Variants in NRG3 observed in about 807,000 individuals in gnomAD.
NRG3 encodes the protein neuregulin 3.
A neutral mutation model predicts 66.9 loss-of-function variants in NRG3; 31 were observed. That is an observed-to-expected ratio of 0.46 (90% confidence interval 0.35 to 0.63). The LOEUF is 0.63. Among genes scored for constraint, NRG3 ranks in the 20% least tolerant of loss-of-function variants. The pLI, the probability that NRG3 is intolerant of heterozygous loss-of-function variation, is 0.00. For missense variants in NRG3, 910 were observed against 878.9 expected, an observed-to-expected ratio of 1.04 and a Z score of -0.45; for synonymous variants, 393 against 359.4, an observed-to-expected ratio of 1.09 and a Z score of -1.06.
chr10:82,073,830 T>C (rs1166026011), intron 1 of NRG3, among the ~76,000 whole-genome samples: 1 of 152,230 alleles, frequency 6.6e-6, no homozygotes, highest in African/African-American at 2.4e-5. Context: ...TTGAAATTTA[T>C]TCATTACTTC....
intron 3 of NRG3, among the ~76,000 whole-genome samples, chr10:82,834,010 T>A (rs1360865329): frequency 6.6e-6 from 1 of 152,220 alleles, no homozygotes; most frequent in Non-Finnish European, 1.5e-5. Context: ...CTGCACTCTT[T>A]TTTATTTTTT....
intron 1 of NRG3, among the ~76,000 whole-genome samples, chr10:82,048,190 C>T (rs372591845): frequency 5.9e-5 from 9 of 151,954 alleles, no homozygotes; most frequent in Admixed American, 2.6e-4. Context: ...GACAGATCAA[C>T]GAGACAGAAA....
At chr10:82,444,230 GTAGCAGGGA>G (rs2090596495) in intron 2 of NRG3, among the ~76,000 whole-genome samples, 1 of 152,136 alleles carries the variant, frequency 6.6e-6, no homozygotes, top group Non-Finnish European at 1.5e-5. Flanking sequence ...AGCCTCCTGA[GTAGCAGGGA>G]TTACAGGTTC....
intron 1 of NRG3, among the ~76,000 whole-genome samples, chr10:82,282,520 C>T (rs61863049): frequency 0.1 from 15,498 of 152,102 alleles, 997 homozygotes; most frequent in Non-Finnish European, 0.15. Context: ...GGCTCAGGAC[C>T]AGAATGCCTG....
At chr10:82,111,007 G>T (rs1293313298) in intron 1 of NRG3, among the ~76,000 whole-genome samples, 2 of 152,138 alleles carry the variant, frequency 1.3e-5, no homozygotes, top group African/African-American at 2.4e-5. Context: ...TCTCTGTTGT[G>T]CTTTTGCAAC....
chr10:82,768,656 T>C lies in NRG3; in HGVS notation c.1027+30006T>C, dbSNP rs543977182. Among the ~76,000 whole-genome samples, 4 of 152,278 alleles carry C rather than the reference T, an allele frequency of 2.6e-5. No homozygotes were observed. The East Asian group carries it at 5.8e-4, about 22-fold the overall frequency. The stretch of plus-strand genomic sequence containing the variant: ...CTGTATGCAGTATATAAAACATTTT[T>C]CTTTCACTGATAGCAATTCATGTTA... On this transcript the variant is annotated intron_variant, in intron 3 of 8. Transcript: ENST00000372141.
chr10:82,806,219 C>T (rs1226201084), intron 3 of NRG3, among the ~76,000 whole-genome samples: 1 of 152,144 alleles, frequency 6.6e-6, no homozygotes, highest in African/African-American at 2.4e-5. Context: ...GTTTGAGTTC[C>T]TCATGTGCCT....
At chr10:82,818,292 A>G (rs139269290) in intron 3 of NRG3, among the ~76,000 whole-genome samples, 2 of 152,194 alleles carry the variant, frequency 1.3e-5, no homozygotes, top group Non-Finnish European at 2.9e-5. Context: ...TTTCTGTGCC[A>G]CTTGCTGGTT....
intron 4 of NRG3, among the ~76,000 whole-genome samples, chr10:82,927,944 A>G (rs1226482879): frequency 6.6e-6 from 1 of 152,152 alleles, no homozygotes; most frequent in East Asian, 1.9e-4. Flanking sequence ...GGTTGAACTA[A>G]TTTATACTCC....
intron 1 of NRG3, among the ~76,000 whole-genome samples, chr10:82,097,652 T>C (rs2066441099): frequency 6.6e-6 from 1 of 151,928 alleles, no homozygotes; most frequent in Non-Finnish European, 1.5e-5. Flanking sequence ...TGCTGGGTCA[T>C]ATGATACATG....
chr10:82,198,039 A>G (rs2074538915), intron 1 of NRG3, among the ~76,000 whole-genome samples: 1 of 152,210 alleles, frequency 6.6e-6, no homozygotes, highest in Non-Finnish European at 1.5e-5. Flanking sequence ...AAATCCATGA[A>G]CATTTTGTAC....
At chr10:81,952,476 TGAGTA>T (rs1398891296) in intron 1 of NRG3, among the ~76,000 whole-genome samples, 2 of 151,904 alleles carry the variant, frequency 1.3e-5, no homozygotes, top group Non-Finnish European at 2.9e-5. Context: ...TTTTACCCCA[TGAGTA>T]GAGTAAGGAG....
chr10:82,895,945 A>G (rs1269485453), intron 4 of NRG3, among the ~76,000 whole-genome samples: 4 of 152,182 alleles, frequency 2.6e-5, no homozygotes, highest in Admixed American at 2.6e-4. Context: ...TGTTGATAGG[A>G]TCGAATGAAA....
chr10:82,967,183 A>G (rs1053486652), intron 6 of NRG3, among the ~76,000 whole-genome samples: 1 of 149,136 alleles, frequency 6.7e-6, no homozygotes, highest in Non-Finnish European at 1.5e-5. Context: ...TATATTAAAT[A>G]TGTCTACTTA....
chr10:82,814,860 G>A (rs1293501848), intron 3 of NRG3, among the ~76,000 whole-genome samples: 3 of 152,082 alleles, frequency 2.0e-5, no homozygotes, highest in African/African-American at 4.8e-5. Context: ...TATGTGAGAG[G>A]CCTCCTTTAA....
chr10:82,892,043 A>G (rs1318310234), intron 4 of NRG3, among the ~76,000 whole-genome samples: 1 of 152,128 alleles, frequency 6.6e-6, no homozygotes, highest in Non-Finnish European at 1.5e-5. Flanking sequence ...TGTTATTGTA[A>G]TAGTAAAATT....
chr10:82,756,434 C>G (rs1454338712), intron 3 of NRG3, among the ~76,000 whole-genome samples: 1 of 152,070 alleles, frequency 6.6e-6, no homozygotes, highest in South Asian at 2.1e-4. Context: ...TTAACATATT[C>G]AAATTAAACT....
chr10:82,411,445 C>G (rs1161574021), intron 2 of NRG3, among the ~76,000 whole-genome samples: 1 of 152,144 alleles, frequency 6.6e-6, no homozygotes, highest in African/African-American at 2.4e-5. Flanking sequence ...ATCACTGCAA[C>G]GAGCTGGGGT....
At chr10:81,959,404 A>G (rs73306556) in intron 1 of NRG3, among the ~76,000 whole-genome samples, 3,034 of 152,274 alleles carry the variant, frequency 0.02, 108 homozygotes, top group African/African-American at 0.069. Context: ...AAAGCACCCT[A>G]TACCAATTAA....
Sources: allele counts gnomAD v4.1 joint callset (sites outside exome capture counted in the v4.1 genomes callset), GRCh38; gene constraint gnomAD v4.1.1; transcripts MANE v1.5; gene names NCBI Gene and HGNC (gene_info 2026-07-23, HGNC 2026-07-21).